Variants in SMAD3 observed in about 807,000 individuals in gnomAD.
SMAD3 encodes MAD homolog 3.
SMAD3 carries 12 observed loss-of-function variants against 51.8 expected under a neutral mutation model. The observed-to-expected ratio is 0.23, with a 90% CI of 0.15 to 0.38. The LOEUF (loss-of-function observed/expected upper bound fraction) is 0.38. Among genes scored for constraint, SMAD3 ranks in the 10% least tolerant of loss-of-function variants. The pLI, the probability that SMAD3 is intolerant of heterozygous loss-of-function variation, is 1.00. For missense variants in SMAD3, 294 were observed against 565.6 expected, an observed-to-expected ratio of 0.52 and a Z score of 4.87; for synonymous variants, 238 against 227.7, an observed-to-expected ratio of 1.05 and a Z score of -0.41.
chr15:67,068,407 G>A (rs1330342189), intron 1 of SMAD3, among the ~76,000 whole-genome samples: 1 of 152,226 alleles, frequency 6.6e-6, no homozygotes, highest in Non-Finnish European at 1.5e-5. Flanking sequence ...TAGCTTGGCA[G>A]AGAGGCCTTG....
intron 1 of SMAD3, among the ~76,000 whole-genome samples, chr15:67,081,103 T>TA (rs1383663771): frequency 6.6e-6 from 1 of 152,220 alleles, no homozygotes; most frequent in African/African-American, 2.4e-5. Flanking sequence ...CTTCAGCTGA[T>TA]ACTACAGTGC....
At chr15:67,119,306 G>A (rs1214723490) in intron 1 of SMAD3, among the ~76,000 whole-genome samples, 1 of 152,238 alleles carries the variant, frequency 6.6e-6, no homozygotes, top group East Asian at 1.9e-4. Flanking sequence ...GTAACCTGGA[G>A]GCCACTAGGT....
At position 67,178,460 on chromosome 15, in the gene SMAD3, G is replaced by A. The variant is rs558021586; in HGVS notation, c.659-2781G>A. ...CAAAGCTATATGTTCAAGCTGACCCGTGCCAGAGAATGATCTAGGTGGTCA... is the reference window on the plus strand; with the variant it reads ...CAAAGCTATATGTTCAAGCTGACCCATGCCAGAGAATGATCTAGGTGGTCA... On this transcript the variant is annotated intron_variant, in intron 5 of 8. Transcript: ENST00000327367. Among the ~76,000 whole-genome samples the A allele has an allele frequency of 3.9e-5, 6 of 152,266 alleles. No homozygotes were observed. In the South Asian group the frequency reaches 6.2e-4, roughly 16 times the overall value.
chr15:67,187,534 C>G (rs1595962821), intron 8 of SMAD3, 25 bp downstream of exon 8: 5 of 1,613,954 alleles, frequency 3.1e-6, no homozygotes, highest in East Asian at 4.5e-5. Flanking sequence ...CTGCCTACAT[C>G]AGGGGACCCA....
intron 1 of SMAD3, among the ~76,000 whole-genome samples, chr15:67,074,965 A>G (rs756216192): frequency 6.6e-6 from 1 of 152,226 alleles, no homozygotes; most frequent in South Asian, 2.1e-4. Flanking sequence ...TTTTGCTGCT[A>G]AGTGTTGCAT....
chr15:67,120,858 T>C (rs1348650922), intron 1 of SMAD3, among the ~76,000 whole-genome samples: 1 of 152,234 alleles, frequency 6.6e-6, no homozygotes, highest in Non-Finnish European at 1.5e-5. Context: ...TGTAAGATTT[T>C]TTTTTTGCGA....
At position 67,167,669 on chromosome 15, in the gene SMAD3, C is replaced by T. The variant is rs557676919; in HGVS notation, c.607+816C>T. 2.6e-5 allele frequency among the ~76,000 whole-genome samples: 4 copies of T among 152,216 alleles called. No homozygotes were observed. In the East Asian group the frequency reaches 7.7e-4, roughly 29 times the overall value. ...ACCACATGTGATGTGTGTGCTCCTGCCGTGAGGGGCAGGGCTTATTTCTCT... is the reference window on the plus strand; with the variant it reads ...ACCACATGTGATGTGTGTGCTCCTGTCGTGAGGGGCAGGGCTTATTTCTCT... On this transcript the variant is annotated intron_variant, in intron 4 of 8. Coordinates refer to ENST00000327367, the MANE Select transcript of SMAD3 (RefSeq NM_005902.4).
chr15:67,158,922 A>G (rs1292000733), intron 1 of SMAD3, among the ~76,000 whole-genome samples: 1 of 152,186 alleles, frequency 6.6e-6, no homozygotes, highest in African/African-American at 2.4e-5. Flanking sequence ...GACAATACTG[A>G]CAATAGATTC....
intron 1 of SMAD3, among the ~76,000 whole-genome samples, chr15:67,141,879 A>G (rs979070624): frequency 1.3e-5 from 2 of 152,178 alleles, no homozygotes; most frequent in African/African-American, 4.8e-5. Flanking sequence ...AGTTGAGGCC[A>G]ACTCAGTTTG....
At chr15:67,081,677 A>C (rs1375276826) in intron 1 of SMAD3, among the ~76,000 whole-genome samples, 1 of 152,180 alleles carries the variant, frequency 6.6e-6, no homozygotes, top group African/African-American at 2.4e-5. Flanking sequence ...AAGGGTGGCC[A>C]CAACTGTTGC....
chr15:67,130,199 A>G (rs751694085), intron 1 of SMAD3, among the ~76,000 whole-genome samples: 1 of 152,224 alleles, frequency 6.6e-6, no homozygotes, highest in Admixed American at 6.5e-5. Context: ...AGATGAGGCA[A>G]CAGAAACTCA....
At chr15:67,178,932 C>G (rs970795236) in intron 5 of SMAD3, among the ~76,000 whole-genome samples, 1 of 152,100 alleles carries the variant, frequency 6.6e-6, no homozygotes, top group Non-Finnish European at 1.5e-5. Flanking sequence ...AGAGAGAAAA[C>G]GACAAGAATG....
chr15:67,150,375 T>C (rs1962096868), intron 1 of SMAD3, among the ~76,000 whole-genome samples: 1 of 152,198 alleles, frequency 6.6e-6, no homozygotes, highest in Admixed American at 6.5e-5. Context: ...TCTCTAAGTC[T>C]TTGGAAACTT....
intron 1 of SMAD3, among the ~76,000 whole-genome samples, chr15:67,079,714 G>C (rs1486952692): frequency 2.6e-5 from 4 of 152,140 alleles, no homozygotes; most frequent in Admixed American, 2.6e-4. Flanking sequence ...AGAGGAGGAG[G>C]CTGAAGCATT....
intron 5 of SMAD3, among the ~76,000 whole-genome samples, chr15:67,176,910 G>A (rs1962913319): frequency 6.6e-6 from 1 of 152,182 alleles, no homozygotes; most frequent in African/African-American, 2.4e-5. Context: ...AAGGCCGTGG[G>A]CACGTGCCAT....
At chr15:67,139,893 T>C (rs1595923152) in intron 1 of SMAD3, among the ~76,000 whole-genome samples, 1 of 151,446 alleles carries the variant, frequency 6.6e-6, no homozygotes, top group African/African-American at 2.4e-5. Context: ...CCGAGGTGGG[T>C]GGATTACTTG....
intron 1 of SMAD3, among the ~76,000 whole-genome samples, chr15:67,069,185 A>T (rs571575366): frequency 2.0e-5 from 3 of 152,220 alleles, no homozygotes; most frequent in Non-Finnish European, 1.5e-5. Flanking sequence ...TGTTTCAATT[A>T]TCAGGGGAGC....
intron 1 of SMAD3, among the ~76,000 whole-genome samples, chr15:67,107,383 C>G (rs1960902701): frequency 6.6e-6 from 1 of 152,128 alleles, no homozygotes; most frequent in African/African-American, 2.4e-5. Flanking sequence ...ACCACATAAG[C>G]ACCCCACCCT....
chr15:67,175,128 G>A (rs1183441758), intron 5 of SMAD3, among the ~76,000 whole-genome samples: 2 of 152,246 alleles, frequency 1.3e-5, no homozygotes, highest in East Asian at 3.8e-4. Flanking sequence ...GAAGGAGGAG[G>A]CAGGTGGAGA....
Sources: gnomAD v4.1 joint callset for allele counts (sites outside exome capture counted in the v4.1 genomes callset) on GRCh38, gnomAD v4.1.1 for gene constraint, MANE v1.5 for transcripts, NCBI Gene and HGNC (gene_info 2026-07-23, HGNC 2026-07-21) for gene names.